Variants in EMSY observed in about 807,000 individuals in gnomAD.
The protein encoded by EMSY is BRCA2-interacting transcriptional repressor EMSY.
In EMSY, 26 loss-of-function variants were observed where a neutral mutation model predicts 134.6. That is an observed-to-expected ratio of 0.19 (90% confidence interval 0.14 to 0.27). The LOEUF (loss-of-function observed/expected upper bound fraction) is 0.27, where lower values mean the gene tolerates loss of function less well. Ranked by LOEUF, EMSY falls within the 10% of genes least tolerant of loss-of-function variation. EMSY has a pLI of 1.00. For missense variants in EMSY, 1,305 were observed against 1,611.4 expected (o/e 0.81, Z 3.26); for synonymous variants, 579 against 577.8 (o/e 1.00, Z -0.03).
intron 2 of EMSY, among the ~76,000 whole-genome samples, chr11:76,451,399 A>T (rs1007512322): frequency 6.6e-6 from 1 of 152,226 alleles, no homozygotes; most frequent in African/African-American, 2.4e-5. Context: ...TTTCCATTGC[A>T]TACTATTTAC....
chr11:76,454,327 A>G (rs1011531383), intron 4 of EMSY, among the ~76,000 whole-genome samples: 12 of 152,034 alleles, frequency 7.9e-5, no homozygotes, highest in African/African-American at 2.7e-4. Flanking sequence ...ACGTAGTTTG[A>G]AGGTTGAGCT....
intron 4 of EMSY, among the ~76,000 whole-genome samples, chr11:76,455,146 C>G (rs983041535): frequency 6.6e-6 from 1 of 151,860 alleles, no homozygotes; most frequent in African/African-American, 2.4e-5. Context: ...TTTCCCTCCT[C>G]TCTCCATCAG....
chr11:76,523,431 T>A, intron 12 of EMSY, 140 bp downstream of exon 13: 2 of 928,488 alleles, frequency 2.2e-6, no homozygotes, highest in Non-Finnish European at 3.1e-6. Context: ...TAACAACTGT[T>A]AAAGCACCAC....
At chr11:76,552,726 G>C (rs1173703469), downstream of EMSY, 1 of 152,074 alleles carries the variant, frequency 6.6e-6, no homozygotes, top group Non-Finnish European at 1.5e-5. Flanking sequence ...CCACAGAGTT[G>C]GGCAAGCCAT....
At chr11:76,481,003 C>T (rs1451888680) in intron 8 of EMSY, among the ~76,000 whole-genome samples, 1 of 152,172 alleles carries the variant, frequency 6.6e-6, no homozygotes, top group Non-Finnish European at 1.5e-5. Context: ...TTTGGGCAGA[C>T]ACCGAGCTAG....
intron 11 of EMSY, among the ~76,000 whole-genome samples, chr11:76,518,703 A>ATATATATATATATT (rs57143914): frequency 3.7e-3 from 477 of 130,126 alleles, no homozygotes; most frequent in Non-Finnish European, 5.5e-3. Flanking sequence ...ATATATATAT[A>ATATATATATATATT]TTTTTTTTTT....
At chr11:76,516,495 T>C (rs901839808) in intron 11 of EMSY, 183 bp downstream of exon 12, 30 of 408,302 alleles carry the variant, frequency 7.3e-5, no homozygotes, top group African/African-American at 5.6e-4. Context: ...TATTCACATA[T>C]AAAGCTTTTG....
At chr11:76,484,899 G>T (rs1473864515) in intron 8 of EMSY, among the ~76,000 whole-genome samples, 3 of 149,106 alleles carry the variant, frequency 2.0e-5, no homozygotes, top group East Asian at 2.0e-4. Flanking sequence ...TGCACACCCA[G>T]CCTGGGTAAC....
chr11:76,450,642 C>T lies in EMSY; in HGVS notation c.71-1216C>T, dbSNP rs189984257. Among the ~76,000 whole-genome samples, 366 of 152,078 alleles carry T rather than the reference C, an allele frequency of 2.4e-3. 3 individuals carry two copies. The highest frequency in any genetic ancestry group is 8.3e-3 in the African/African-American group (343 of 41,470). Reference sequence around the variant, plus strand: ...GAGTAGCTGGGACCACAGGCATGCACTACCACCCCCAGCTGATTTTTAAAT... The same window carrying T: ...GAGTAGCTGGGACCACAGGCATGCATTACCACCCCCAGCTGATTTTTAAAT... On this transcript the variant is annotated intron_variant, in intron 2 of 20. Transcript: ENST00000334736.
At chr11:76,483,434 C>T (rs533740862) in intron 8 of EMSY, among the ~76,000 whole-genome samples, 1 of 152,084 alleles carries the variant, frequency 6.6e-6, no homozygotes, top group South Asian at 2.1e-4. Context: ...AGGCTAAATG[C>T]CCCAATTAAA....
intron 6 of EMSY, among the ~76,000 whole-genome samples, chr11:76,461,466 A>G (rs762108143): frequency 2.0e-5 from 3 of 152,188 alleles, no homozygotes; most frequent in African/African-American, 4.8e-5. Context: ...GCTGTGTTTC[A>G]TGTTTCTCAC....
intron 5 of EMSY, chr11:76,458,590 A>C: frequency 5.6e-6 from 2 of 359,264 alleles, no homozygotes; most frequent in Non-Finnish European, 9.8e-6. Context: ...AATTGCAAAA[A>C]CCTCGGAATA....
At chr11:76,461,994 T>C (rs987101175) in intron 6 of EMSY, among the ~76,000 whole-genome samples, 1 of 151,910 alleles carries the variant, frequency 6.6e-6, no homozygotes, top group Non-Finnish European at 1.5e-5. Flanking sequence ...CCCAGCACTT[T>C]GGGAGGCCGA....
chr11:76,452,946 C>T (rs1947727663), intron 3 of EMSY, among the ~76,000 whole-genome samples: 1 of 152,156 alleles, frequency 6.6e-6, no homozygotes, highest in Non-Finnish European at 1.5e-5. Context: ...ATCCTCTTCT[C>T]AGCAGTCACA....
intron 11 of EMSY, among the ~76,000 whole-genome samples, chr11:76,518,684 C>CATATATATATAT (rs796392038): frequency 0.052 from 6,308 of 120,932 alleles, 247 homozygotes; most frequent in Non-Finnish European, 0.075. Context: ...TGTGTGCGCG[C>CATATATATATAT]ATATATATAT....
intron 10 of EMSY, among the ~76,000 whole-genome samples, chr11:76,514,457 A>G (rs1364591672): frequency 6.6e-6 from 1 of 152,152 alleles, no homozygotes; most frequent in Non-Finnish European, 1.5e-5. Context: ...CAGACATTGC[A>G]CTTCATATCC....
At chr11:76,516,292 T>G (rs1197936674) in exon 11 of EMSY, 6 of 1,611,244 alleles carry the variant, frequency 3.7e-6, no homozygotes, top group Non-Finnish European at 5.1e-6. Context: ...GGCAAGATAA[T>G]TAGCAGTAAT....
At chr11:76,524,029 A>C (rs771794060) in intron 12 of EMSY, among the ~76,000 whole-genome samples, 26 of 152,118 alleles carry the variant, frequency 1.7e-4, no homozygotes, top group Non-Finnish European at 2.8e-4. Context: ...CAGACTGGGC[A>C]ACAGAGTGAG....
chr11:76,539,735 G>T lies in EMSY; in HGVS notation c.2557+95G>T. The T allele has an allele frequency of 2.5e-6, 3 of 1,198,126 alleles. No homozygotes were observed. In the South Asian group the frequency reaches 3.7e-5, roughly 15 times the overall value. 74.2% of individuals were successfully genotyped at this position (1,198,126 alleles called of 1,614,324 possible). On this transcript the variant is annotated intron_variant, in intron 17 of 20. Transcript: ENST00000334736. ...AATGGATGCGCTCTACTCTCATCTG[G>T]TAGAGGAAAGGTAAGCTCCACTTAG...
Sources: gnomAD v4.1 joint callset for allele counts (sites outside exome capture counted in the v4.1 genomes callset) on GRCh38, gnomAD v4.1.1 for gene constraint, MANE v1.5 for transcripts, NCBI Gene and HGNC (gene_info 2026-07-23, HGNC 2026-07-21) for gene names.